The following CCDC136 variants were observed in gnomAD, a reference collection of about 807,000 sequenced individuals.
CCDC136 encodes the protein coiled-coil domain containing 136, also known as coiled-coil domain-containing protein 136.
Under a neutral mutation model 141.2 loss-of-function variants are expected in CCDC136, and 100 were observed. That is an observed-to-expected ratio of 0.71 (90% CI 0.60 to 0.84). The LOEUF (loss-of-function observed/expected upper bound fraction) is 0.84. Among genes scored for constraint, CCDC136 ranks in the 40% least tolerant of loss-of-function variants. The probability of loss-of-function intolerance (pLI) is 0.00; values close to 1 mark genes in which losing one functional copy is unlikely to be tolerated. For missense variants in CCDC136, 1,206 were observed against 1,379.4 expected (o/e 0.87, Z 1.99); for synonymous variants, 474 against 531.9 (o/e 0.89, Z 1.50).
rs762564112 is a variant in CCDC136, at chr7:128,801,036, G to A, written c.347-150G>A. The stretch of plus-strand genomic sequence containing the variant: ...CTTAGGTACTCCTTTTATTCCGTCC[G>A]GCATGATGCTACACTTCTCTGATGG... On this transcript the variant is annotated intron_variant, in intron 3 of 17. Transcript: ENST00000297788. The A allele has an allele frequency of 1.0e-5, 6 of 602,948 alleles. No homozygotes were observed. The East Asian group carries it at 1.1e-4, about 11-fold the overall frequency. The allele number at this position is 602,948 out of a possible 1,614,324, so 37.3% of individuals were successfully genotyped here. A position where few individuals can be genotyped will look rare whatever the true frequency, so the allele number is the denominator to read the frequency against.
intron 15 of CCDC136, 129 bp downstream of exon 15, chr7:128,815,048 T>C: frequency 1.2e-6 from 1 of 801,926 alleles, no homozygotes; most frequent in Non-Finnish European, 1.9e-6. Flanking sequence ...CTGAAGTGTC[T>C]ACAGTGGTTC....
At position 128,804,766 on chromosome 7, in the gene CCDC136, A is replaced by C. The variant is rs2291573; in HGVS notation, c.782+5A>C. 2.5e-4 allele frequency: 387 copies of C among 1,562,308 alleles called. No individual in the cohort carries two copies. The African/African-American group carries it at 4.7e-3, about 19-fold the overall frequency. On this transcript the variant is annotated splice_donor_5th_base_variant and intron_variant, in intron 5 of 17. Coordinates refer to ENST00000297788, the MANE Select transcript of CCDC136 (RefSeq NM_022742.5). The stretch of plus-strand genomic sequence containing the variant: ...TGCAGATCTGGAGAGTGAGAGGTAC[A>C]GCTGTCTCTGGAGAGTGAGAGGTCA...
chr7:128,808,760 C>A (rs761665875), intron 10 of CCDC136: 38 of 985,288 alleles, frequency 3.9e-5, no homozygotes, highest in Middle Eastern at 5.2e-4. Context: ...AATTTAGGAG[C>A]CCAGGTGATC....
chr7:128,792,184 G>C lies in CCDC136; in HGVS notation c.-228G>C. The C allele has an allele frequency of 1.4e-6, 2 of 1,452,346 alleles. No homozygotes were observed. The highest frequency in any genetic ancestry group is 1.8e-6 in the Non-Finnish European group (2 of 1,109,546). 90.0% of individuals were successfully genotyped at this position (1,452,346 alleles called of 1,614,324 possible). A position where few individuals can be genotyped will look rare whatever the true frequency, so the allele number is the denominator to read the frequency against. ...AGAGAGGAGTCGCAGAGCCGCCAGAGTGAGTCAGGCACCTCCACTGGGATT... is the reference window on the plus strand; with the variant it reads ...AGAGAGGAGTCGCAGAGCCGCCAGACTGAGTCAGGCACCTCCACTGGGATT... On this transcript the variant is annotated 5_prime_UTR_variant, in exon 1 of 18. Coordinates refer to ENST00000297788, the MANE Select transcript of CCDC136 (RefSeq NM_022742.5).
At chr7:128,802,351 A>G (rs1671772307) in intron 4 of CCDC136, among the ~76,000 whole-genome samples, 1 of 152,096 alleles carries the variant, frequency 6.6e-6, no homozygotes, top group South Asian at 2.1e-4. Flanking sequence ...TCAACAAGGA[A>G]TCAAAGAACT....
In CCDC136 at chr7:128,809,023, C is replaced by G. The variant is rs1050168108; in HGVS notation, c.1606-427C>G. The G allele has an allele frequency of 2.5e-5, 24 of 957,680 alleles. No individual in the cohort carries two copies. In the African/African-American group the frequency reaches 4.1e-4, roughly 16 times the overall value. 59.3% of individuals were successfully genotyped at this position (957,680 alleles called of 1,614,324 possible). A position where few individuals can be genotyped will look rare whatever the true frequency, so the allele number is the denominator to read the frequency against. ...GGGAAAAATTAGGGTGAAATTAAGT[C>G]CTTATTTGTAAGGAGTGTAGTTGCA... On this transcript the variant is annotated intron_variant, in intron 10 of 17. Coordinates refer to ENST00000297788, the MANE Select transcript of CCDC136 (RefSeq NM_022742.5).
In CCDC136 at chr7:128,805,996, C is replaced by A; in HGVS notation, c.1089+95C>A. On this transcript the variant is annotated intron_variant, in intron 7 of 17. Transcript: ENST00000297788. The surrounding 1 kb of genome is among the most constrained non-coding windows in gnomAD (Gnocchi z 4.6). The stretch of plus-strand genomic sequence containing the variant: ...GGTGGGCACAGTGAGTATGGCTGTG[C>A]TCTGCTGACTCTTGCCCTGCAACTG... 7.1e-7 allele frequency: 1 copy of A among 1,413,704 alleles called. No individual in the cohort carries two copies. The highest frequency in any genetic ancestry group is 9.8e-7 in the Non-Finnish European group (1 of 1,019,068). The allele number at this position is 1,413,704 out of a possible 1,614,324, so 87.6% of individuals were successfully genotyped here.
chr7:128,810,314 A>G lies in CCDC136; in HGVS notation c.1976A>G (p.Glu659Gly). 6.2e-7 allele frequency: 1 copy of G among 1,614,032 alleles called. No homozygotes were observed. Residue 659 changes from glutamate (E) to glycine (G), a missense_variant, in exon 12 of 18, where the codon GAG becomes GGG. By Grantham distance (98) the Glu-to-Gly change is moderately conservative. Transcript: ENST00000297788. Reference protein sequence around the residue: ...FKESHFQEVLENPDDSKLAKS... With the variant: ...FKESHFQEVLGNPDDSKLAKS... ...GAGTCTCATTTCCAGGAAGTGTTGG[A>G]GAATCCCGATGATTCCAAATTGGCT...
At chr7:128,815,202 G>A (rs1217396115) in intron 15 of CCDC136, among the ~76,000 whole-genome samples, 2 of 152,212 alleles carry the variant, frequency 1.3e-5, no homozygotes, top group African/African-American at 4.8e-5. Context: ...AGCCCCATTT[G>A]TTGGGGCTCC....
At chr7:128,812,454 T>C in intron 13 of CCDC136, 142 bp downstream of exon 13, 1 of 963,404 alleles carries the variant, frequency 1.0e-6, no homozygotes, top group Non-Finnish European at 1.5e-6. Context: ...AGCGAAGCCC[T>C]CTACCCATGG....
rs1314033485 is a variant in CCDC136, at chr7:128,793,278, C to T, written c.16+851C>T. Among the ~76,000 whole-genome samples the T allele has an allele frequency of 2.0e-5, 3 of 152,126 alleles. No homozygotes were observed. In the East Asian group the frequency reaches 5.8e-4, roughly 29 times the overall value. On this transcript the variant is annotated intron_variant, in intron 1 of 17. Transcript: ENST00000297788. Reference sequence around the variant, plus strand: ...GCACCAAACCCCAGTTTTTTTAATGCATTAAAATGGTAGGCTTTCTTTTAC... The same window carrying T: ...GCACCAAACCCCAGTTTTTTTAATGTATTAAAATGGTAGGCTTTCTTTTAC...
At chr7:128,799,065 G>A (rs1803560173) in intron 3 of CCDC136, among the ~76,000 whole-genome samples, 1 of 151,310 alleles carries the variant, frequency 6.6e-6, no homozygotes. Context: ...GCCAGGTGTG[G>A]TGGCTCATGC....
chr7:128,807,267 G>T, intron 9 of CCDC136, 93 bp from the exon 10 acceptor site: 1 of 937,392 alleles, frequency 1.1e-6, no homozygotes, highest in South Asian at 2.7e-5. Flanking sequence ...AGAAGGACAA[G>T]GGAAGATGGG....
chr7:128,818,083 T>C, intron 17 of CCDC136: 2 of 510,396 alleles, frequency 3.9e-6, no homozygotes, highest in Non-Finnish European at 7.0e-6. Flanking sequence ...GAGGTTGGAA[T>C]GCTTGCCAGA....
At chr7:128,811,370 A>G (rs183577060) in intron 12 of CCDC136, 238 of 457,896 alleles carry the variant, frequency 5.2e-4, no homozygotes, top group African/African-American at 4.2e-3. Context: ...TTTGATTCCA[A>G]TTCTTCATAT....
rs1267486560 is a variant in CCDC136, at chr7:128,817,635, C to T, written c.3364-123C>T. On this transcript the variant is annotated intron_variant, in intron 16 of 17. Coordinates refer to ENST00000297788, the MANE Select transcript of CCDC136 (RefSeq NM_022742.5). This position sits in a 1 kb window ranked among gnomAD's most constrained non-coding sequence, Gnocchi z 4.6. ...CTGCTCTAGCTTACCTGTTTTTTAA[C>T]CTCTTGATTCCTTTCTCTTTTCCCT... 3.7e-6 allele frequency: 3 copies of T among 821,332 alleles called. No homozygotes were observed. The highest frequency in any genetic ancestry group is 4.9e-5 in the East Asian group (2 of 41,102). The allele number at this position is 821,332 out of a possible 1,614,324, so 50.9% of individuals were successfully genotyped here. A position where few individuals can be genotyped will look rare whatever the true frequency, so the allele number is the denominator to read the frequency against.
At position 128,807,341 on chromosome 7, in the gene CCDC136, G is replaced by C. The variant is rs1269247726; in HGVS notation, c.1420-19G>C. ...CAGGAGTGCCTGGGATGATGGCCAG[G>C]CCTGCCTCCCCTGCCCAGGACACAG... On this transcript the variant is annotated intron_variant, in intron 9 of 17. Coordinates refer to ENST00000297788, the MANE Select transcript of CCDC136 (RefSeq NM_022742.5). The C allele has an allele frequency of 6.9e-7, 1 of 1,442,524 alleles. No homozygotes were observed. The highest frequency in any genetic ancestry group is 9.2e-7 in the Non-Finnish European group (1 of 1,088,860). 89.4% of individuals were successfully genotyped at this position (1,442,524 alleles called of 1,614,324 possible). A position where few individuals can be genotyped will look rare whatever the true frequency, so the allele number is the denominator to read the frequency against.
chr7:128,797,042 A>T (rs551518616), intron 3 of CCDC136, among the ~76,000 whole-genome samples: 1 of 152,088 alleles, frequency 6.6e-6, no homozygotes, highest in Non-Finnish European at 1.5e-5. Context: ...CGCCCGGCCC[A>T]GAATATATTT....
At chr7:128,802,843 GA>G (rs57210961) in intron 4 of CCDC136, among the ~76,000 whole-genome samples, 2 of 151,922 alleles carry the variant, frequency 1.3e-5, no homozygotes, top group South Asian at 2.1e-4. Context: ...ATTTAAAGAA[GA>G]AAAAAACCTT....
Sources: gnomAD v4.1 joint callset for allele counts (sites outside exome capture counted in the v4.1 genomes callset) on GRCh38, gnomAD v4.1.1 for gene constraint, Gnocchi (gnomAD v3.1) non-coding constraint, MANE v1.5 for transcripts, NCBI Gene and HGNC (gene_info 2026-07-23, HGNC 2026-07-21) for gene names.